Variants in KDM4C observed in about 807,000 individuals in gnomAD.
The protein encoded by KDM4C is lysine-specific demethylase 4C.
In KDM4C, 81 loss-of-function variants were observed where a neutral mutation model predicts 129.3. The observed-to-expected ratio is 0.63, with a 90% CI of 0.52 to 0.75. KDM4C has a LOEUF of 0.75. Among genes scored for constraint, KDM4C ranks in the 30% least tolerant of loss-of-function variants. The pLI is 0.00. For missense variants in KDM4C, 1,457 were observed against 1,304.0 expected (o/e 1.12, Z -1.81); for synonymous variants, 573 against 456.1 (o/e 1.26, Z -3.26).
rs554410429 is a variant in KDM4C at position 7,151,126 on chromosome 9, C to G, written c.2782-14112C>G. 7.9e-4 allele frequency among the ~76,000 whole-genome samples: 120 copies of G among 152,062 alleles called. 2 individuals are homozygous for G. Among genetic ancestry groups the G allele is most frequent in the African/African-American group, 2.9e-3 (119 of 41,456 alleles). On this transcript the variant is annotated intron_variant, in intron 19 of 21. Transcript: ENST00000381309. ...AGGAGTTCAAGACCAGCCTTGCCAACATAGTGAGACCTTGTCTCTATAAAA... is the reference window on the plus strand; with the variant it reads ...AGGAGTTCAAGACCAGCCTTGCCAAGATAGTGAGACCTTGTCTCTATAAAA...
chr9:6,812,292 A>T (rs1323816724), intron 3 of KDM4C, among the ~76,000 whole-genome samples: 1 of 152,006 alleles, frequency 6.6e-6, no homozygotes, highest in Non-Finnish European at 1.5e-5. Context: ...GTCTTGGTAT[A>T]GGTGTAAAGC....
intron 17 of KDM4C, among the ~76,000 whole-genome samples, chr9:7,069,468 C>T (rs772605582): frequency 9.2e-5 from 14 of 152,200 alleles, no homozygotes; most frequent in Non-Finnish European, 1.6e-4. Flanking sequence ...GCCATGATTG[C>T]ACCACTGCAC....
chr9:6,824,304 G>T (rs1488098930), intron 4 of KDM4C, among the ~76,000 whole-genome samples: 2 of 152,146 alleles, frequency 1.3e-5, no homozygotes, highest in African/African-American at 2.4e-5. Flanking sequence ...TCTAGCATAG[G>T]GTCTGATGAG....
intron 5 of KDM4C, among the ~76,000 whole-genome samples, chr9:6,866,494 C>G (rs1842007005): frequency 6.6e-6 from 1 of 152,136 alleles, no homozygotes; most frequent in African/African-American, 2.4e-5. Context: ...TGAGCTGCCA[C>G]TCTGATTTGG....
chr9:6,896,717 T>G (rs1364213994), intron 8 of KDM4C, among the ~76,000 whole-genome samples: 1 of 152,200 alleles, frequency 6.6e-6, no homozygotes, highest in Non-Finnish European at 1.5e-5. Flanking sequence ...GTTCTACTTA[T>G]GGAGACTAGG....
chr9:7,063,595 A>G (rs952037171), intron 17 of KDM4C, among the ~76,000 whole-genome samples: 1 of 152,372 alleles, frequency 6.6e-6, no homozygotes, highest in South Asian at 2.1e-4. Context: ...GGTCTTAACG[A>G]TATTACAGGG....
chr9:6,768,914 A>G (rs191764659), intron 1 of KDM4C, among the ~76,000 whole-genome samples: 1 of 152,188 alleles, frequency 6.6e-6, no homozygotes, highest in East Asian at 1.9e-4. Context: ...CTGGGACTAC[A>G]GGTGCCCATC....
chr9:6,856,018 G>C (rs1033205319), intron 5 of KDM4C, among the ~76,000 whole-genome samples: 9 of 152,162 alleles, frequency 5.9e-5, no homozygotes, highest in African/African-American at 1.4e-4. Flanking sequence ...TGGGATTATA[G>C]GCGTGAGTCA....
intron 1 of KDM4C, among the ~76,000 whole-genome samples, chr9:6,738,450 G>C (rs1463704161): frequency 6.6e-6 from 1 of 152,084 alleles, no homozygotes; most frequent in Non-Finnish European, 1.5e-5. Context: ...ACTCCAGCTT[G>C]GGCGACAGGT....
intron 4 of KDM4C, among the ~76,000 whole-genome samples, chr9:6,818,134 C>A (rs952461890): frequency 2.6e-5 from 4 of 152,090 alleles, no homozygotes; most frequent in Non-Finnish European, 2.9e-5. Flanking sequence ...ATATGCATGC[C>A]TGTGATTGCA....
At chr9:6,940,345 C>T (rs62533839) in intron 8 of KDM4C, among the ~76,000 whole-genome samples, 38,881 of 152,024 alleles carry the variant, frequency 0.26, 5,420 homozygotes, top group South Asian at 0.4. Context: ...CTAGCTGAGA[C>T]AATCATTCCT....
At chr9:7,075,632 A>G (rs1019390641) in intron 17 of KDM4C, among the ~76,000 whole-genome samples, 6 of 152,110 alleles carry the variant, frequency 3.9e-5, no homozygotes, top group African/African-American at 1.2e-4. Flanking sequence ...CCACATGCAG[A>G]TGCCCAATCT....
intron 17 of KDM4C, among the ~76,000 whole-genome samples, chr9:7,078,088 CATTTATTT>C (rs549494910): frequency 6.6e-6 from 1 of 152,062 alleles, no homozygotes; most frequent in Admixed American, 6.5e-5. Flanking sequence ...AGAATGTTCC[CATTTATTT>C]ATTTATTTTT....
intron 15 of KDM4C, among the ~76,000 whole-genome samples, chr9:7,030,783 A>T (rs966752639): frequency 6.6e-6 from 1 of 152,216 alleles, no homozygotes; most frequent in African/African-American, 2.4e-5. Context: ...AATATAGTAC[A>T]ACAAAAAAAG....
chr9:6,791,007 G>C (rs996019287), intron 1 of KDM4C, among the ~76,000 whole-genome samples: 4 of 152,180 alleles, frequency 2.6e-5, no homozygotes, highest in African/African-American at 9.7e-5. Context: ...GGTACTTCCA[G>C]ATATTTCTGC....
intron 12 of KDM4C, among the ~76,000 whole-genome samples, chr9:7,004,935 A>G (rs1185240000): frequency 1.3e-5 from 2 of 152,202 alleles, no homozygotes; most frequent in African/African-American, 2.4e-5. Context: ...ACACTGACAC[A>G]CAGATAGTCT....
Position 6,805,752 on chromosome 9 carries a change from A to C in KDM4C, c.298A>C (p.Arg100=), listed in dbSNP as rs1434452501. 6.2e-7 allele frequency: 1 copy of C among 1,612,756 alleles called. No homozygotes were observed. Among genetic ancestry groups the C allele is most frequent in the Non-Finnish European group, 8.5e-7 (1 of 1,179,684 alleles). The change falls in exon 3 of 22, where the codon AGG becomes CGG. Residue 100 remains arginine (R), a synonymous_variant. Transcript: ENST00000381309. ...AAAAGCGATGACTGTGAAGGAGTTC[A>C]GGCAGCTGGCCAACAGTGGCAAGTG... The part of the protein sequence containing the change: ...QKKAMTVKEF[R]QLANSGKYCT...
intron 2 of KDM4C, 108 bp downstream of exon 2, chr9:6,793,240 A>T (rs1185299854): frequency 1.8e-6 from 2 of 1,127,998 alleles, no homozygotes; most frequent in Admixed American, 4.5e-5. Context: ...AATTTGCAAA[A>T]TCTTTGTTCT....
intron 4 of KDM4C, chr9:6,834,953 G>C: frequency 9.6e-7 from 1 of 1,045,698 alleles, no homozygotes; most frequent in South Asian, 1.3e-5. Context: ...GCCCATCTGC[G>C]AGGGATATGC....
Sources: allele counts gnomAD v4.1 joint callset (sites outside exome capture counted in the v4.1 genomes callset), GRCh38; gene constraint gnomAD v4.1.1; transcripts MANE v1.5; gene names NCBI Gene and HGNC (gene_info 2026-07-23, HGNC 2026-07-21).